The following SH3BP2 variants were observed in gnomAD, a reference collection of about 807,000 sequenced individuals.
SH3BP2 encodes the protein SH3 domain-binding protein 2.
In SH3BP2, 38 loss-of-function variants were observed where a neutral mutation model predicts 56.2. That is an observed-to-expected ratio of 0.68 (90% CI 0.52 to 0.89). The LOEUF (loss-of-function observed/expected upper bound fraction) is 0.89. SH3BP2 is among the 40% of genes least tolerant of loss of function. SH3BP2 has a pLI of 0.00. For synonymous variants in SH3BP2, 346 were observed against 316.7 expected (o/e 1.09, Z -0.98); for missense variants, 748 against 762.6 (o/e 0.98, Z 0.23).
chr4:2,818,963 C>G (rs979103224), intron 1 of SH3BP2: 3 of 933,896 alleles, frequency 3.2e-6, no homozygotes, highest in Non-Finnish European at 3.8e-6. Context: ...AATTTTAGCT[C>G]CAGCTCAGTT....
At chr4:2,830,555 G>T (rs907734710) in intron 8 of SH3BP2, among the ~76,000 whole-genome samples, 1 of 152,188 alleles carries the variant, frequency 6.6e-6, no homozygotes, top group Non-Finnish European at 1.5e-5. Flanking sequence ...AGAGACAGGG[G>T]TTTCACTATG....
chr4:2,813,361 C>G (rs1723847763), intron 1 of SH3BP2, among the ~76,000 whole-genome samples: 1 of 152,196 alleles, frequency 6.6e-6, no homozygotes, highest in African/African-American at 2.4e-5. Flanking sequence ...TTGGGGAGGA[C>G]TCTGGTTTGA....
chr4:2,823,898 C>G (rs909521288), intron 3 of SH3BP2, among the ~76,000 whole-genome samples: 5 of 152,222 alleles, frequency 3.3e-5, no homozygotes, highest in African/African-American at 1.2e-4. Flanking sequence ...GGCCCCCATG[C>G]TGGCACAGAG....
chr4:2,839,304 G>A lies in SH3BP2; in HGVS notation c.*5470G>A, dbSNP rs898121113. The A allele has an allele frequency of 1.3e-5, 2 of 151,194 alleles. No individual in the cohort carries two copies. The highest frequency in any genetic ancestry group is 4.9e-5 in the African/African-American group (2 of 41,088). 9.4% of individuals were successfully genotyped at this position (151,194 alleles called of 1,614,324 possible). A position where few individuals can be genotyped will look rare whatever the true frequency, so the allele number is the denominator to read the frequency against. On this transcript the variant is annotated 3_prime_UTR_variant, in exon 13 of 13. Transcript: ENST00000503393. Reference sequence around the variant, plus strand: ...TCACCTCAGCCTCCCAAGTAGCTGGGACCACAGGCCCACACCACCAAGCCC... The same window carrying A: ...TCACCTCAGCCTCCCAAGTAGCTGGAACCACAGGCCCACACCACCAAGCCC...
chr4:2,803,735 C>T (rs988719892), intron 1 of SH3BP2, among the ~76,000 whole-genome samples: 1 of 152,152 alleles, frequency 6.6e-6, no homozygotes, highest in African/African-American at 2.4e-5. Flanking sequence ...AACCCCAGGG[C>T]CTTTGCACAA....
Position 2,830,150 on chromosome 4 carries a change from G to T in SH3BP2, c.1241+3G>T. On this transcript the variant is annotated splice_donor_region_variant and intron_variant, in intron 8 of 12. Transcript: ENST00000503393. ...AAGCCGCAGCTCCCGCACCTCCAGT[G>T]AGTTTGTGTGGCGGCTGCAAGCCCT... 6.3e-7 allele frequency: 1 copy of T among 1,598,578 alleles called. No homozygotes were observed. The highest frequency in any genetic ancestry group is 1.1e-5 in the South Asian group (1 of 90,864).
chr4:2,827,769 C>A, intron 7 of SH3BP2, 95 bp downstream of exon 7: 1 of 1,048,958 alleles, frequency 9.5e-7, no homozygotes, highest in Non-Finnish European at 1.4e-6. Context: ...GGATGCTGGC[C>A]CAGGTACCGC....
chr4:2,793,738 G>T (rs1022409677), intron 1 of SH3BP2: 1 of 152,214 alleles, frequency 6.6e-6, no homozygotes, highest in African/African-American at 2.4e-5. Flanking sequence ...CCGCCCACTG[G>T]CGCTGATTCA....
rs1016141075 is a variant in SH3BP2, at chr4:2,820,635, G to T, written c.18G>T (p.Met6Ile). The T allele has an allele frequency of 6.2e-7, 1 of 1,614,050 alleles. No homozygotes were observed. Among genetic ancestry groups the T allele is most frequent in the African/African-American group, 1.3e-5 (1 of 74,920 alleles). ...GCAGCTTCATGGCGGCTGAAGAGAT[G>T]CATTGGCCTGTCCCTATGAAGGCCA... MAAEEMHWPVPMKAIG... is the reference protein window; with the variant it reads MAAEEIHWPVPMKAIG... Residue 6 changes from methionine (M) to isoleucine (I), a missense_variant, in exon 2 of 13, where the codon ATG becomes ATT. Around this residue, in one of 3 missense-constraint regions of SH3BP2, gnomAD observed 104 missense variants for 123.1 expected, o/e 0.84. Coordinates refer to ENST00000503393, the MANE Select transcript of SH3BP2 (RefSeq NM_001122681.2).
intron 1 of SH3BP2, among the ~76,000 whole-genome samples, chr4:2,802,563 T>C (rs1391162496): frequency 2.2e-5 from 3 of 134,280 alleles, no homozygotes; most frequent in South Asian, 2.3e-4. Context: ...TGTGTATATA[T>C]GTATATATGT....
Position 2,833,831 on chromosome 4 carries a change from G to C in SH3BP2, c.1683G>C (p.Arg561Ser). ...LRHPYGYTGP[R>S] ...ACCCCTACGGCTACACTGGGCCTAG[G>C]TGATGGCAGTCCATGTGGCTGCCAG... Residue 561 changes from arginine to serine, a missense_variant, in exon 13 of 13, where the codon AGG becomes AGC. Transcript: ENST00000503393. 6.4e-7 allele frequency: 1 copy of C among 1,568,042 alleles called. No individual in the cohort carries two copies. Among genetic ancestry groups the C allele is most frequent in the Non-Finnish European group, 8.6e-7 (1 of 1,157,514 alleles).
At position 2,837,622 on chromosome 4, in the gene SH3BP2, C is replaced by T. The variant is rs532779610; in HGVS notation, c.*3788C>T. On this transcript the variant is annotated 3_prime_UTR_variant, in exon 13 of 13. Coordinates refer to ENST00000503393, the MANE Select transcript of SH3BP2 (RefSeq NM_001122681.2). ...GCGCTGGAGGGATGGCCTAGGACAC[C>T]AGGGTCACACCAGGAACATGGGAGG... is the stretch of plus-strand genomic sequence containing the variant. 2 of 152,364 alleles carry T rather than the reference C, an allele frequency of 1.3e-5. No individual in the cohort carries two copies. Among genetic ancestry groups the T allele is most frequent in the Non-Finnish European group, 2.9e-5 (2 of 68,188 alleles). The allele number at this position is 152,364 out of a possible 1,614,324, so 9.4% of individuals were successfully genotyped here. A position where few individuals can be genotyped will look rare whatever the true frequency, so the allele number is the denominator to read the frequency against.
At position 2,831,273 on chromosome 4, in the gene SH3BP2, G is replaced by A. The variant is rs924652469; in HGVS notation, c.1242-298G>A. On this transcript the variant is annotated intron_variant, in intron 8 of 12. Transcript: ENST00000503393. The surrounding 1 kb of genome is among the most constrained non-coding windows in gnomAD (Gnocchi z 4.1). ...ATGACCGGACCTCCCCTCCCCACGA[G>A]CATCCAGAGCACTTGTTGACGGTGT... Among the ~76,000 whole-genome samples the A allele has an allele frequency of 2.6e-5, 4 of 152,220 alleles. No homozygotes were observed. Among genetic ancestry groups the A allele is most frequent in the African/African-American group, 9.6e-5 (4 of 41,462 alleles).
intron 1 of SH3BP2, chr4:2,793,880 T>C: frequency 6.6e-6 from 1 of 152,418 alleles, no homozygotes. Context: ...CTGGCCTCCC[T>C]GCAGCCCAGC....
chr4:2,833,180 C>A, intron 12 of SH3BP2, 131 bp downstream of exon 12: 1 of 805,188 alleles, frequency 1.2e-6, no homozygotes, highest in Non-Finnish European at 2.1e-6. Context: ...CCCTCCCCTT[C>A]CCCTCCACCA....
chr4:2,811,111 C>G (rs1723730374), intron 1 of SH3BP2, among the ~76,000 whole-genome samples: 1 of 151,726 alleles, frequency 6.6e-6, no homozygotes, highest in Non-Finnish European at 1.5e-5. Flanking sequence ...GCAGCCCAAA[C>G]GGGCCCCGAG....
rs1723695821 is a variant in SH3BP2, at chr4:2,810,353, G to C, written c.-4-10261G>C. 6.6e-6 allele frequency among the ~76,000 whole-genome samples: 1 copy of C among 151,634 alleles called. No homozygotes were observed. The highest frequency in any genetic ancestry group is 3.4e-3 in the Middle Eastern group (1 of 294). ...ATCACAGCATTGGACCAGGGCTGTG[G>C]GGGGAATGGGCCTGGGCCAGGGTCA... On this transcript the variant is annotated intron_variant, in intron 1 of 12. Transcript: ENST00000503393. The surrounding 1 kb of genome is among the most constrained non-coding windows in gnomAD (Gnocchi z 4.2).
rs902180525 is a variant in SH3BP2, at chr4:2,834,478, G to C, written c.*644G>C. The C allele has an allele frequency of 1.3e-5, 2 of 152,458 alleles. No individual in the cohort carries two copies. Among genetic ancestry groups the C allele is most frequent in the Admixed American group, 1.3e-4 (2 of 15,288 alleles). The allele number at this position is 152,458 out of a possible 1,614,324, so 9.4% of individuals were successfully genotyped here. On this transcript the variant is annotated 3_prime_UTR_variant, in exon 13 of 13. Coordinates refer to ENST00000503393, the MANE Select transcript of SH3BP2 (RefSeq NM_001122681.2). ...AGTAACAGATCAGGACCCAAACTTG[G>C]GCAGTCTGGGCTGGGAGCCCACACC...
At chr4:2,803,145 C>T (rs1723381093) in intron 1 of SH3BP2, among the ~76,000 whole-genome samples, 1 of 152,188 alleles carries the variant, frequency 6.6e-6, no homozygotes. Flanking sequence ...GGCTCTCAGG[C>T]CACTTACTGC....
Sources: gnomAD v4.1 joint callset for allele counts (sites outside exome capture counted in the v4.1 genomes callset) on GRCh38, gnomAD v4.1.1 for gene constraint, gnomAD v4.1.1 regional missense constraint, Gnocchi (gnomAD v3.1) non-coding constraint, MANE v1.5 for transcripts, NCBI Gene and HGNC (gene_info 2026-07-23, HGNC 2026-07-21) for gene names.